Variants in CTNNA3 observed in about 807,000 individuals in gnomAD.
The protein encoded by CTNNA3 is catenin alpha-3.
A neutral mutation model predicts 95.7 loss-of-function variants in CTNNA3; 76 were observed. The ratio of observed to expected loss-of-function variants is 0.79; its 90% CI spans 0.66 to 0.96. CTNNA3 has a LOEUF of 0.96. Ranked by LOEUF, CTNNA3 falls within the 40% of genes least tolerant of loss-of-function variation. The pLI, the probability that CTNNA3 is intolerant of heterozygous loss-of-function variation, is 0.00. For missense variants in CTNNA3, 1,191 were observed against 1,089.8 expected, an observed-to-expected ratio of 1.09 and a Z score of -1.31; for synonymous variants, 431 against 374.4, an observed-to-expected ratio of 1.15 and a Z score of -1.74.
At chr10:67,015,543 T>TA (rs1446035404) in intron 7 of CTNNA3, 1 of 152,184 alleles carries the variant, frequency 6.6e-6, no homozygotes, top group Admixed American at 6.5e-5. Flanking sequence ...TTATTCTCCT[T>TA]ACATGTAGCT....
At chr10:66,367,883 T>TA (rs1564903306) in intron 12 of CTNNA3, among the ~76,000 whole-genome samples, 64 of 12,656 alleles carry the variant, frequency 5.1e-3, no homozygotes, top group African/African-American at 0.014. Flanking sequence ...TAATAATAAT[T>TA]ATTATTATTA....
At chr10:66,552,763 C>A (rs990770299) in intron 10 of CTNNA3, among the ~76,000 whole-genome samples, 3 of 151,688 alleles carry the variant, frequency 2.0e-5, no homozygotes, top group African/African-American at 7.3e-5. Context: ...AAAATTAAAC[C>A]TTTATCTTTA....
At chr10:67,442,898 ACT>A (rs1564653221) in intron 5 of CTNNA3, among the ~76,000 whole-genome samples, 2 of 149,714 alleles carry the variant, frequency 1.3e-5, no homozygotes, top group Admixed American at 6.6e-5. Flanking sequence ...GCACCCATTA[ACT>A]TGTCATTTAG....
intron 9 of CTNNA3, among the ~76,000 whole-genome samples, chr10:66,707,009 A>G (rs962328746): frequency 1.3e-5 from 2 of 152,062 alleles, no homozygotes; most frequent in African/African-American, 2.4e-5. Flanking sequence ...GAGACACACA[A>G]GAAGATTATG....
chr10:66,310,745 G>A (rs866217436), intron 12 of CTNNA3, among the ~76,000 whole-genome samples: 5 of 147,988 alleles, frequency 3.4e-5, no homozygotes, highest in African/African-American at 1.3e-4. Flanking sequence ...GGAGTGCAGT[G>A]GTGCGAACTC....
chr10:66,928,130 G>C, intron 7 of CTNNA3: 1 of 1,613,936 alleles, frequency 6.2e-7, no homozygotes, highest in Non-Finnish European at 8.5e-7. Context: ...ACAGAGCCCG[G>C]CCCAGAGACC....
intron 17 of CTNNA3, among the ~76,000 whole-genome samples, chr10:65,924,431 A>C (rs2077135186): frequency 6.6e-6 from 1 of 152,182 alleles, no homozygotes. Flanking sequence ...TCTTGACCAT[A>C]AGCAAGGAAC....
chr10:67,476,476 C>G (rs552206008), intron 5 of CTNNA3, among the ~76,000 whole-genome samples: 9 of 151,628 alleles, frequency 5.9e-5, no homozygotes, highest in African/African-American at 2.2e-4. Context: ...GCACCCACTC[C>G]TCCAGCCTGA....
intron 17 of CTNNA3, among the ~76,000 whole-genome samples, chr10:65,939,920 A>G (rs2077402451): frequency 6.6e-6 from 1 of 152,196 alleles, no homozygotes; most frequent in South Asian, 2.1e-4. Flanking sequence ...GGATAATATG[A>G]AATATCCTGG....
At chr10:66,420,642 T>C (rs549102896) in intron 11 of CTNNA3, among the ~76,000 whole-genome samples, 1 of 151,790 alleles carries the variant, frequency 6.6e-6, no homozygotes, top group East Asian at 1.9e-4. Flanking sequence ...CTACTAAAAA[T>C]ACAAAAATTA....
In CTNNA3 at chr10:66,379,341, AGATATGGCTTTCT is replaced by A; in HGVS notation, c.1532-2_1542del. ...ATGATACACTTGTTGACATCTTCCAAGATATGGCTTTCTGTAAGTAAATGAATCAAATTAGTTT... is the reference window on the plus strand; with the variant it reads ...ATGATACACTTGTTGACATCTTCCAAGTAAGTAAATGAATCAAATTAGTTT... On this transcript the variant is annotated splice_acceptor_variant and coding_sequence_variant, in exon 12 of 18. Coordinates refer to ENST00000433211, the MANE Select transcript of CTNNA3 (RefSeq NM_013266.4). LOFTEE classifies it high-confidence loss of function. 1 of 1,613,906 alleles carries A rather than the reference AGATATGGCTTTCT, an allele frequency of 6.2e-7. No homozygotes were observed. The highest frequency in any genetic ancestry group is 1.1e-5 in the South Asian group (1 of 91,072).
intron 7 of CTNNA3, among the ~76,000 whole-genome samples, chr10:66,901,166 T>C (rs145515018): frequency 0.02 from 2,991 of 152,286 alleles, 36 homozygotes; most frequent in Middle Eastern, 0.078. Flanking sequence ...CCCATCAAAC[T>C]AACAGCGGAT....
chr10:66,904,061 G>A (rs1845877135), intron 7 of CTNNA3, among the ~76,000 whole-genome samples: 1 of 152,124 alleles, frequency 6.6e-6, no homozygotes, highest in Non-Finnish European at 1.5e-5. Context: ...AAAGGAGCCT[G>A]CATAGCCAAG....
chr10:67,379,993 C>T (rs1843866899), intron 5 of CTNNA3, among the ~76,000 whole-genome samples: 1 of 133,080 alleles, frequency 7.5e-6, no homozygotes, highest in African/African-American at 2.8e-5. Flanking sequence ...TGCACTCCAG[C>T]CTGGGCGACA....
intron 10 of CTNNA3, among the ~76,000 whole-genome samples, chr10:66,579,454 AAGT>A (rs1843113994): frequency 6.6e-6 from 1 of 151,798 alleles, no homozygotes; most frequent in Non-Finnish European, 1.5e-5. Flanking sequence ...GAGACCATTA[AAGT>A]GGAGATTTCA....
chr10:66,692,456 A>C (rs1847585301), intron 9 of CTNNA3, among the ~76,000 whole-genome samples: 1 of 152,160 alleles, frequency 6.6e-6, no homozygotes, highest in Non-Finnish European at 1.5e-5. Context: ...GAAATATGGG[A>C]CTATGTGAAA....
intron 5 of CTNNA3, among the ~76,000 whole-genome samples, chr10:67,363,046 T>C (rs1447417572): frequency 6.6e-6 from 1 of 151,822 alleles, no homozygotes; most frequent in Non-Finnish European, 1.5e-5. Flanking sequence ...ACCTAAGAAT[T>C]CATCTAACCA....
At chr10:66,129,463 G>A (rs1037469290) in intron 13 of CTNNA3, among the ~76,000 whole-genome samples, 1 of 152,132 alleles carries the variant, frequency 6.6e-6, no homozygotes, top group African/African-American at 2.4e-5. Context: ...GTGTGGGATT[G>A]TCTGTAGTGC....
chr10:67,499,023 G>A lies in CTNNA3; in HGVS notation c.579+22819C>T, dbSNP rs575934069. On this transcript the variant is annotated intron_variant, in intron 5 of 17. Coordinates refer to ENST00000433211, the MANE Select transcript of CTNNA3 (RefSeq NM_013266.4). ...TCCTTGTCTTGTGCCAGTTTTCAAA[G>A]GGAATGCTTCCGGTTTTTGTCCATT... Among the ~76,000 whole-genome samples the A allele has an allele frequency of 1.1e-3, 168 of 152,308 alleles. 2 individuals are homozygous for A. Among genetic ancestry groups the A allele is most frequent in the Middle Eastern group, 3.4e-3 (1 of 292 alleles).
Sources: allele counts gnomAD v4.1 joint callset (sites outside exome capture counted in the v4.1 genomes callset), GRCh38; gene constraint gnomAD v4.1.1; transcripts MANE v1.5; gene names NCBI Gene and HGNC (gene_info 2026-07-23, HGNC 2026-07-21).